TRHDE: variants seen among roughly 807,000 people sequenced by gnomAD.
TRHDE encodes thyrotropin releasing hormone degrading enzyme.
In TRHDE, 72 loss-of-function variants were observed where a neutral mutation model predicts 125.7. That is an observed-to-expected ratio of 0.57 (90% CI 0.47 to 0.70). The LOEUF is 0.70. TRHDE is among the 30% of genes least tolerant of loss of function. The pLI is 0.00. For missense variants in TRHDE, 1,110 were observed against 1,327.1 expected, an observed-to-expected ratio of 0.84 and a Z score of 2.54; for synonymous variants, 509 against 509.1, an observed-to-expected ratio of 1.00 and a Z score of 0.00.
intron 2 of TRHDE, among the ~76,000 whole-genome samples, chr12:72,344,111 A>G (rs1231408991): frequency 6.6e-6 from 1 of 152,122 alleles, no homozygotes; most frequent in Non-Finnish European, 1.5e-5. Flanking sequence ...CTGTATTGGA[A>G]TTTATAGAAA....
intron 6 of TRHDE, among the ~76,000 whole-genome samples, chr12:72,535,246 G>A (rs1435488965): frequency 1.3e-5 from 2 of 151,976 alleles, no homozygotes; most frequent in African/African-American, 2.4e-5. Flanking sequence ...TGTTCTAATT[G>A]TAGATACTTA....
At chr12:72,364,283 C>G (rs1871251592) in intron 2 of TRHDE, among the ~76,000 whole-genome samples, 1 of 152,082 alleles carries the variant, frequency 6.6e-6, no homozygotes, top group African/African-American at 2.4e-5. Flanking sequence ...AGTGGCTGTT[C>G]CTGGAATTCA....
chr12:72,226,474 T>G (rs1878130366), intron 2 of TRHDE, among the ~76,000 whole-genome samples: 1 of 152,128 alleles, frequency 6.6e-6, no homozygotes, highest in Admixed American at 6.6e-5. Context: ...TAAAATAGGG[T>G]CAATTAATTT....
chr12:72,178,750 C>G (rs996608281), intron 2 of TRHDE, among the ~76,000 whole-genome samples: 7 of 152,068 alleles, frequency 4.6e-5, no homozygotes, highest in African/African-American at 1.7e-4. Flanking sequence ...AAGAATATTT[C>G]TAACTCCAGT....
chr12:72,493,633 A>C (rs1029357402), intron 5 of TRHDE, among the ~76,000 whole-genome samples: 1 of 151,946 alleles, frequency 6.6e-6, no homozygotes, highest in Non-Finnish European at 1.5e-5. Flanking sequence ...CTGACTAGGC[A>C]TGGAAAAATC....
chr12:72,327,787 C>T (rs1308907852), intron 2 of TRHDE, among the ~76,000 whole-genome samples: 1 of 151,986 alleles, frequency 6.6e-6, no homozygotes, highest in Non-Finnish European at 1.5e-5. Flanking sequence ...AAATTAACAC[C>T]TAAGCTATTT....
chr12:72,391,374 C>G (rs182775405), intron 3 of TRHDE, among the ~76,000 whole-genome samples: 14 of 152,216 alleles, frequency 9.2e-5, no homozygotes, highest in Non-Finnish European at 1.3e-4. Flanking sequence ...GTAAATGAAG[C>G]CTTCAGGGCA....
At chr12:72,246,050 T>C (rs2139383832) in intron 2 of TRHDE, among the ~76,000 whole-genome samples, 1 of 152,282 alleles carries the variant, frequency 6.6e-6, no homozygotes, top group African/African-American at 2.4e-5. Flanking sequence ...CAAACAATGT[T>C]GTGACAAACA....
At chr12:72,518,431 G>C (rs1385553731) in intron 6 of TRHDE, among the ~76,000 whole-genome samples, 1 of 151,636 alleles carries the variant, frequency 6.6e-6, no homozygotes, top group Non-Finnish European at 1.5e-5. Context: ...ATCTTTGTTG[G>C]TTTAAAGTCT....
intron 12 of TRHDE, among the ~76,000 whole-genome samples, chr12:72,577,096 G>A (rs1592548893): frequency 1.3e-5 from 2 of 152,058 alleles, no homozygotes; most frequent in African/African-American, 4.8e-5. Context: ...AGATTATTTT[G>A]GCACAGAAGT....
intron 3 of TRHDE, among the ~76,000 whole-genome samples, chr12:72,421,563 G>T (rs1023291316): frequency 4.6e-5 from 7 of 152,140 alleles, no homozygotes; most frequent in African/African-American, 1.7e-4. Flanking sequence ...CATTATTTTT[G>T]CTACATTTTG....
rs191504281 is a variant in TRHDE at position 72,597,945 on chromosome 12, T to C, written c.2322-20946T>C. Among the ~76,000 whole-genome samples the C allele has an allele frequency of 8.6e-5, 13 of 151,490 alleles. No individual in the cohort carries two copies. The East Asian group carries it at 1.6e-3, about 18-fold the overall frequency. On this transcript the variant is annotated intron_variant, in intron 12 of 18. Coordinates refer to ENST00000261180, the MANE Select transcript of TRHDE (RefSeq NM_013381.3). ...AAGGAAAGGAAAACTGTTGCAATCC[T>C]TTTTTTATTAAAATATACCATTCTT...
chr12:72,106,502 C>T (rs1592442494), intron 2 of TRHDE, among the ~76,000 whole-genome samples: 1 of 152,032 alleles, frequency 6.6e-6, no homozygotes, highest in African/African-American at 2.4e-5. Flanking sequence ...CACAGACTGG[C>T]ACATTTTATA....
At chr12:72,225,187 G>A (rs1264077809) in intron 2 of TRHDE, among the ~76,000 whole-genome samples, 1 of 151,610 alleles carries the variant, frequency 6.6e-6, no homozygotes, top group Non-Finnish European at 1.5e-5. Flanking sequence ...TTTTTTTCTA[G>A]TGATCATGTT....
chr12:72,356,266 C>G (rs978802848), intron 2 of TRHDE, among the ~76,000 whole-genome samples: 5 of 151,590 alleles, frequency 3.3e-5, no homozygotes, highest in Non-Finnish European at 5.9e-5. Flanking sequence ...AGGCCATCAT[C>G]TTTAGCAAAC....
At chr12:72,503,259 C>G (rs534554126) in intron 6 of TRHDE, among the ~76,000 whole-genome samples, 7 of 152,030 alleles carry the variant, frequency 4.6e-5, no homozygotes, top group African/African-American at 1.4e-4. Context: ...GATCATAATC[C>G]TCACTTTAAA....
intron 12 of TRHDE, among the ~76,000 whole-genome samples, chr12:72,606,664 A>G (rs1378071790): frequency 6.6e-6 from 1 of 152,202 alleles, no homozygotes; most frequent in African/African-American, 2.4e-5. Context: ...GGATACAGAG[A>G]TAAATAAGAT....
chr12:72,592,708 C>CTTTT (rs35446767), intron 12 of TRHDE, among the ~76,000 whole-genome samples: 1 of 144,586 alleles, frequency 6.9e-6, no homozygotes, highest in Non-Finnish European at 1.5e-5. Flanking sequence ...TCTTTTCTTT[C>CTTTT]TTTTTTTTTT....
At chr12:72,534,228 GAGA>G (rs1868729866) in intron 6 of TRHDE, among the ~76,000 whole-genome samples, 1 of 152,182 alleles carries the variant, frequency 6.6e-6, no homozygotes, top group African/African-American at 2.4e-5. Flanking sequence ...ATGTAGTTGT[GAGA>G]AGGAGACAAA....
Sources: allele counts gnomAD v4.1 joint callset (sites outside exome capture counted in the v4.1 genomes callset), GRCh38; gene constraint gnomAD v4.1.1; transcripts MANE v1.5; gene names NCBI Gene and HGNC (gene_info 2026-07-23, HGNC 2026-07-21).